The following GNAL variants were observed in gnomAD, a reference collection of about 807,000 sequenced individuals.
GNAL encodes guanine nucleotide-binding protein G(olf) subunit alpha.
In GNAL, 18 loss-of-function variants were observed where a neutral mutation model predicts 55.1. The ratio of observed to expected loss-of-function variants is 0.33; its 90% CI spans 0.23 to 0.48. The LOEUF is 0.48. Ranked by LOEUF, GNAL falls within the 20% of genes least tolerant of loss-of-function variation. The pLI, the probability that GNAL is intolerant of heterozygous loss-of-function variation, is 0.99. For missense variants in GNAL, 412 were observed against 614.1 expected (o/e 0.67, Z 3.48); for synonymous variants, 253 against 237.0 (o/e 1.07, Z -0.62).
chr18:11,751,533 C>T lies in GNAL; in HGVS notation c.377-1320C>T. ...GGTGAGCCTCGGAGGGATCCTCCTC[C>T]CTGCTAGAATATGCATGATCCTCCG... On this transcript the variant is annotated intron_variant, in intron 1 of 11. Coordinates refer to ENST00000334049, the MANE Select transcript of GNAL (RefSeq NM_182978.4). The surrounding 1 kb of genome is among the most constrained non-coding windows in gnomAD (Gnocchi z 4.5). The T allele has an allele frequency of 1.0e-6, 1 of 985,536 alleles. No homozygotes were observed. The highest frequency in any genetic ancestry group is 1.2e-6 in the Non-Finnish European group (1 of 829,998). The allele number at this position is 985,536 out of a possible 1,614,324, so 61.0% of individuals were successfully genotyped here.
intron 1 of GNAL, among the ~76,000 whole-genome samples, chr18:11,705,070 T>C (rs914603317): frequency 2.6e-5 from 4 of 152,214 alleles, no homozygotes; most frequent in African/African-American, 9.7e-5. Flanking sequence ...CTTAATCATC[T>C]TGCATGTCTG....
At chr18:11,704,877 T>C (rs1479371037) in intron 1 of GNAL, among the ~76,000 whole-genome samples, 1 of 152,158 alleles carries the variant, frequency 6.6e-6, no homozygotes, top group East Asian at 1.9e-4. Context: ...AGTTTTGACA[T>C]GTGTATACAC....
chr18:11,793,022 A>G (rs1270517592), intron 4 of GNAL, among the ~76,000 whole-genome samples: 2 of 152,258 alleles, frequency 1.3e-5, no homozygotes, highest in Non-Finnish European at 2.9e-5. Flanking sequence ...CAAAAATTAA[A>G]TCAAAGTAGA....
At position 11,884,682 on chromosome 18, in the gene GNAL, GCA is replaced by G; in HGVS notation, c.*3548_*3549del. The stretch of plus-strand genomic sequence containing the variant: ...GAGCACCAGGCACACGTTGAACACC[GCA>G]GTCTTAGAAACAGCAGAGGGAAGAC... On this transcript the variant is annotated 3_prime_UTR_variant, in exon 12 of 12. Coordinates refer to ENST00000334049, the MANE Select transcript of GNAL (RefSeq NM_182978.4). The G allele has an allele frequency of 1.9e-6, 3 of 1,552,160 alleles. No homozygotes were observed. The highest frequency in any genetic ancestry group is 2.7e-6 in the Non-Finnish European group (3 of 1,129,258).
chr18:11,822,187 C>A (rs574229954), intron 4 of GNAL, among the ~76,000 whole-genome samples: 5 of 152,182 alleles, frequency 3.3e-5, no homozygotes, highest in Admixed American at 2.6e-4. Flanking sequence ...TGGGGTTTCT[C>A]GGGCGGGGCG....
chr18:11,733,945 C>A (rs140971675), intron 1 of GNAL, among the ~76,000 whole-genome samples: 1 of 151,716 alleles, frequency 6.6e-6, no homozygotes, highest in Admixed American at 6.6e-5. Flanking sequence ...CTGGACAGGT[C>A]CTGTGTCCGT....
intron 11 of GNAL, among the ~76,000 whole-genome samples, chr18:11,878,630 C>A (rs1240642771): frequency 6.6e-6 from 1 of 152,010 alleles, no homozygotes; most frequent in African/African-American, 2.4e-5. Flanking sequence ...AGTGCAGTGG[C>A]AAGATCGTAG....
At chr18:11,717,533 A>G (rs755198622) in intron 1 of GNAL, among the ~76,000 whole-genome samples, 6 of 152,272 alleles carry the variant, frequency 3.9e-5, no homozygotes, top group Non-Finnish European at 8.8e-5. Context: ...AAAGACATGG[A>G]ATCAAACTAA....
chr18:11,714,490 G>A lies in GNAL; in HGVS notation c.376+24551G>A, dbSNP rs146180747. 5.3e-5 allele frequency among the ~76,000 whole-genome samples: 8 copies of A among 152,278 alleles called. No homozygotes were observed. In the East Asian group the frequency reaches 7.7e-4, roughly 15 times the overall value. On this transcript the variant is annotated intron_variant, in intron 1 of 11. Transcript: ENST00000334049. ...TATGTTAATTATGCGTTTGTCTCAC[G>A]CTCAGTAAATCTGCATTTTATATGA... is the stretch of plus-strand genomic sequence containing the variant.
intron 11 of GNAL, among the ~76,000 whole-genome samples, chr18:11,878,865 G>A (rs1198595411): frequency 6.6e-6 from 1 of 151,678 alleles, no homozygotes; most frequent in Non-Finnish European, 1.5e-5. Flanking sequence ...ACTGCACCCA[G>A]CCAAAAGCCT....
intron 4 of GNAL, among the ~76,000 whole-genome samples, chr18:11,791,571 C>T (rs1415231282): frequency 6.6e-6 from 1 of 152,150 alleles, no homozygotes; most frequent in African/African-American, 2.4e-5. Flanking sequence ...CAACCAACTC[C>T]ACACTATCTT....
At chr18:11,831,875 C>T (rs977761499) in intron 5 of GNAL, among the ~76,000 whole-genome samples, 2 of 152,222 alleles carry the variant, frequency 1.3e-5, no homozygotes, top group Non-Finnish European at 2.9e-5. Flanking sequence ...AGCCAGGTGG[C>T]ACTGAGCAGC....
chr18:11,850,252 T>G (rs2035827796), intron 5 of GNAL, among the ~76,000 whole-genome samples: 1 of 152,164 alleles, frequency 6.6e-6, no homozygotes, highest in Non-Finnish European at 1.5e-5. Flanking sequence ...AGGTTTAGCC[T>G]CCATGCCCGG....
chr18:11,751,548 A>C lies in GNAL; in HGVS notation c.377-1305A>C. ...GATCCTCCTCCCTGCTAGAATATGC[A>C]TGATCCTCCGCGAGTCTTCGCCCGC... On this transcript the variant is annotated intron_variant, in intron 1 of 11. Transcript: ENST00000334049. This position sits in a 1 kb window ranked among gnomAD's most constrained non-coding sequence, Gnocchi z 4.5. The C allele has an allele frequency of 4.1e-6, 4 of 985,530 alleles. No homozygotes were observed. Among genetic ancestry groups the C allele is most frequent in the Non-Finnish European group, 3.6e-6 (3 of 829,994 alleles). 61.0% of individuals were successfully genotyped at this position (985,530 alleles called of 1,614,324 possible). A position where few individuals can be genotyped will look rare whatever the true frequency, so the allele number is the denominator to read the frequency against.
At chr18:11,805,115 A>T (rs2034621638) in intron 4 of GNAL, among the ~76,000 whole-genome samples, 1 of 130,656 alleles carries the variant, frequency 7.7e-6, no homozygotes, top group Non-Finnish European at 1.6e-5. Context: ...TTTGAGTGGA[A>T]CATGGAGATA....
At chr18:11,783,820 A>G (rs574151858) in intron 4 of GNAL, among the ~76,000 whole-genome samples, 1 of 152,340 alleles carries the variant, frequency 6.6e-6, no homozygotes, top group Non-Finnish European at 1.5e-5. Context: ...CATGTCTGGC[A>G]CATCTCAGTT....
intron 1 of GNAL, among the ~76,000 whole-genome samples, chr18:11,704,735 G>A (rs762308341): frequency 3.1e-4 from 47 of 151,828 alleles, no homozygotes; most frequent in Non-Finnish European, 6.8e-4. Flanking sequence ...CATTTTACTC[G>A]TTCCTGTGAA....
Position 11,751,186 on chromosome 18 carries a change from G to A in GNAL, c.377-1667G>A, listed in dbSNP as rs2032814306. Among the ~76,000 whole-genome samples, 1 of 152,148 alleles carries A rather than the reference G, an allele frequency of 6.6e-6. No homozygotes were observed. Among genetic ancestry groups the A allele is most frequent in the Non-Finnish European group, 1.5e-5 (1 of 68,026 alleles). On this transcript the variant is annotated intron_variant, in intron 1 of 11. Coordinates refer to ENST00000334049, the MANE Select transcript of GNAL (RefSeq NM_182978.4). The surrounding 1 kb of genome is among the most constrained non-coding windows in gnomAD (Gnocchi z 4.5). ...GAACAGTGATTTCTCCACGCCCACG[G>A]CTGGTGTCCACGACTTCGGCCCGGC...
Position 11,736,981 on chromosome 18 carries a change from T to A in GNAL, c.377-15872T>A, listed in dbSNP as rs551111774. 3.3e-5 allele frequency among the ~76,000 whole-genome samples: 5 copies of A among 152,328 alleles called. No homozygotes were observed. The East Asian group carries it at 9.7e-4, about 29-fold the overall frequency. ...TGAAAACATACAGATAGGGAAAGTATATGATAAAGCAAATGTAGCAAAATG... is the reference window on the plus strand; with the variant it reads ...TGAAAACATACAGATAGGGAAAGTAAATGATAAAGCAAATGTAGCAAAATG... On this transcript the variant is annotated intron_variant, in intron 1 of 11. Transcript: ENST00000334049.
Sources: allele counts gnomAD v4.1 joint callset (sites outside exome capture counted in the v4.1 genomes callset), GRCh38; gene constraint gnomAD v4.1.1; non-coding constraint Gnocchi (gnomAD v3.1); transcripts MANE v1.5; gene names NCBI Gene and HGNC (gene_info 2026-07-23, HGNC 2026-07-21).